NARS2: variants seen among roughly 807,000 people sequenced by gnomAD.
NARS2 encodes the protein asparaginyl-tRNA synthetase.
NARS2 carries 60 observed loss-of-function variants against 62.9 expected under a neutral mutation model. The observed-to-expected ratio is 0.95, with a 90% CI of 0.77 to 1.18. The LOEUF (loss-of-function observed/expected upper bound fraction) is 1.18, where lower values mean the gene tolerates loss of function less well. NARS2 is among the 50% of genes most tolerant of loss of function. NARS2 has a pLI of 0.00. For missense variants in NARS2, 619 were observed against 576.4 expected, an observed-to-expected ratio of 1.07 and a Z score of -0.76; for synonymous variants, 196 against 200.0, an observed-to-expected ratio of 0.98 and a Z score of 0.17.
At chr11:78,488,524 T>C (rs940712969) in intron 7 of NARS2, among the ~76,000 whole-genome samples, 1 of 152,196 alleles carries the variant, frequency 6.6e-6, no homozygotes, top group Non-Finnish European at 1.5e-5. Context: ...TTTAGCAGTG[T>C]TGGATTTCAG....
intron 6 of NARS2, among the ~76,000 whole-genome samples, chr11:78,498,339 G>C (rs1860143313): frequency 1.3e-5 from 2 of 152,114 alleles, no homozygotes; most frequent in African/African-American, 4.8e-5. Context: ...TCTAAATACT[G>C]CTCTGACCTC....
At chr11:78,570,333 A>G (rs1048857069) in intron 2 of NARS2, among the ~76,000 whole-genome samples, 2 of 152,194 alleles carry the variant, frequency 1.3e-5, no homozygotes, top group South Asian at 2.1e-4. Context: ...ACTCTAACAA[A>G]TTAGAATAAT....
intron 13 of NARS2, 94 bp from the exon 14 acceptor site, chr11:78,436,908 T>C (rs1240870445): frequency 7.9e-7 from 1 of 1,268,152 alleles, no homozygotes; most frequent in Non-Finnish European, 1.1e-6. Flanking sequence ...TTTGCAATCA[T>C]TTGTTATTGT....
chr11:78,481,411 A>C (rs1734362825), intron 7 of NARS2, among the ~76,000 whole-genome samples: 1 of 152,172 alleles, frequency 6.6e-6, no homozygotes, highest in Admixed American at 6.5e-5. Flanking sequence ...CAATCACTTA[A>C]ACAAAGCTAA....
chr11:78,479,676 CTAAATGGTG>C (rs1455987825), intron 7 of NARS2, among the ~76,000 whole-genome samples: 1 of 152,208 alleles, frequency 6.6e-6, no homozygotes, highest in Non-Finnish European at 1.5e-5. Context: ...ATTACGTCTT[CTAAATGGTG>C]TATTCATAAA....
At chr11:78,565,636 G>A (rs759030263) in intron 4 of NARS2, among the ~76,000 whole-genome samples, 1 of 152,182 alleles carries the variant, frequency 6.6e-6, no homozygotes, top group South Asian at 2.1e-4. Flanking sequence ...TGCAGTATTA[G>A]GTAGATCAGT....
At chr11:78,469,194 A>G in intron 10 of NARS2, 53 bp downstream of exon 10, 1 of 1,213,606 alleles carries the variant, frequency 8.2e-7, no homozygotes, top group Non-Finnish European at 1.2e-6. Context: ...TAAGCTAAAG[A>G]CAAGAAGGAA....
intron 3 of NARS2, among the ~76,000 whole-genome samples, chr11:78,566,914 CAG>C (rs1458973284): frequency 2.0e-5 from 3 of 152,038 alleles, no homozygotes; most frequent in African/African-American, 7.2e-5. Context: ...AAAAAGATAA[CAG>C]AGAAGCTAAA....
At chr11:78,485,362 C>T (rs948162978) in intron 7 of NARS2, among the ~76,000 whole-genome samples, 9 of 152,042 alleles carry the variant, frequency 5.9e-5, no homozygotes, top group African/African-American at 2.2e-4. Flanking sequence ...TGTAACAAAC[C>T]TGGACGTTCT....
chr11:78,522,580 A>C (rs1340656658), intron 6 of NARS2, among the ~76,000 whole-genome samples: 1 of 152,208 alleles, frequency 6.6e-6, no homozygotes, highest in African/African-American at 2.4e-5. Context: ...ACAAATGCTG[A>C]AGCAAGTATT....
rs140483382 is a variant in NARS2, at chr11:78,548,964, G to C, written c.594+10575C>G. ...CTTCCTCCTTTCCCCTCACAGCTTGGCAAGACAGAAACTCTACCCCCCAAT... is the reference window on the plus strand; with the variant it reads ...CTTCCTCCTTTCCCCTCACAGCTTGCCAAGACAGAAACTCTACCCCCCAAT... On this transcript the variant is annotated intron_variant, in intron 5 of 13. Coordinates refer to ENST00000281038, the MANE Select transcript of NARS2 (RefSeq NM_024678.6). Among the ~76,000 whole-genome samples, 1,419 of 152,282 alleles carry C rather than the reference G, an allele frequency of 9.3e-3. 12 individuals are homozygous for C. The highest frequency in any genetic ancestry group is 0.051 in the Middle Eastern group (15 of 294).
chr11:78,443,837 A>C, intron 11 of NARS2, 79 bp from the exon 12 acceptor site: 1 of 1,074,870 alleles, frequency 9.3e-7, no homozygotes, highest in Admixed American at 2.1e-5. Flanking sequence ...GTAAACCTTT[A>C]ACATTTTGGC....
rs550307875 is a variant in NARS2 at position 78,506,566 on chromosome 11, G to A, written c.690-13371C>T. 3.9e-5 allele frequency among the ~76,000 whole-genome samples: 6 copies of A among 152,150 alleles called. No individual in the cohort carries two copies. In the South Asian group the frequency reaches 6.2e-4, roughly 16 times the overall value. On this transcript the variant is annotated intron_variant, in intron 6 of 13. Coordinates refer to ENST00000281038, the MANE Select transcript of NARS2 (RefSeq NM_024678.6). ...CTGTTTTGTTTTGAGATGGAGTCTCGCTCTGTTGCCCAGGCTGGAGTGCAG... is the reference window on the plus strand; with the variant it reads ...CTGTTTTGTTTTGAGATGGAGTCTCACTCTGTTGCCCAGGCTGGAGTGCAG...
intron 6 of NARS2, among the ~76,000 whole-genome samples, chr11:78,504,535 A>C (rs562155682): frequency 6.6e-6 from 1 of 151,910 alleles, no homozygotes; most frequent in Admixed American, 6.6e-5. Context: ...CAACGAATAC[A>C]TGTGACTAAG....
At position 78,497,241 on chromosome 11, in the gene NARS2, G is replaced by GCAAAAAAAAAAA. The variant is rs1555023813; in HGVS notation, c.690-4047_690-4046insTTTTTTTTTTTG. Among the ~76,000 whole-genome samples the GCAAAAAAAAAAA allele has an allele frequency of 1.9e-5, 2 of 107,316 alleles. 1 individual carries two copies. The highest frequency in any genetic ancestry group is 3.6e-5 in the Non-Finnish European group (2 of 55,296). 70.4% of individuals were successfully genotyped at this position (107,316 alleles called of 152,430 possible). A position where few individuals can be genotyped will look rare whatever the true frequency, so the allele number is the denominator to read the frequency against. On this transcript the variant is annotated intron_variant, in intron 6 of 13. Coordinates refer to ENST00000281038, the MANE Select transcript of NARS2 (RefSeq NM_024678.6). ...TCTTTGGAAAATAAAAAGCAAAATT[G>GCAAAAAAAAAAA]AAAAAAAAAAAAAAAAAAAAGGTTC...
At chr11:78,566,425 T>G (rs1392198882) in intron 3 of NARS2, among the ~76,000 whole-genome samples, 153 bp from the exon 4 acceptor site, 1 of 152,242 alleles carries the variant, frequency 6.6e-6, no homozygotes, top group African/African-American at 2.4e-5. Context: ...TCCACATTAT[T>G]TCCACCAGGT....
At chr11:78,453,917 T>G (rs1334209764) in intron 11 of NARS2, among the ~76,000 whole-genome samples, 3 of 152,174 alleles carry the variant, frequency 2.0e-5, no homozygotes, top group Admixed American at 6.5e-5. Flanking sequence ...GAGGCAAAAG[T>G]CTTACATTTT....
At chr11:78,523,475 A>C (rs993812629) in intron 6 of NARS2, among the ~76,000 whole-genome samples, 9 of 152,214 alleles carry the variant, frequency 5.9e-5, no homozygotes, top group Admixed American at 2.6e-4. Flanking sequence ...GTATCTACCA[A>C]AGAGAAATGA....
At chr11:78,545,975 T>A (rs147644087) in intron 5 of NARS2, among the ~76,000 whole-genome samples, 1 of 152,204 alleles carries the variant, frequency 6.6e-6, no homozygotes, top group Non-Finnish European at 1.5e-5. Context: ...GATTACCTAT[T>A]GGTGAGCAAC....
Sources: gnomAD v4.1 joint callset for allele counts (sites outside exome capture counted in the v4.1 genomes callset) on GRCh38, gnomAD v4.1.1 for gene constraint, MANE v1.5 for transcripts, NCBI Gene and HGNC (gene_info 2026-07-23, HGNC 2026-07-21) for gene names.